Variants in DMD observed in about 807,000 individuals in gnomAD.
DMD encodes the protein dystrophin, also known as mutant dystrophin.
DMD carries 63 observed loss-of-function variants against 330.1 expected under a neutral mutation model. The ratio of observed to expected loss-of-function variants is 0.19; its 90% CI spans 0.16 to 0.24. The LOEUF is 0.24. Among genes scored for constraint, DMD ranks in the 10% least tolerant of loss-of-function variants. The pLI, the probability that DMD is intolerant of heterozygous loss-of-function variation, is 1.00. For synonymous variants in DMD, 1,223 were observed against 959.8 expected, an observed-to-expected ratio of 1.27 and a Z score of -5.07; for missense variants, 3,344 against 2,684.1, an observed-to-expected ratio of 1.25 and a Z score of -5.43.
At chrX:32,518,915 G>T (rs1396902217) in intron 17 of DMD, among the ~76,000 whole-genome samples, 1 of 108,355 alleles carries the variant, frequency 9.2e-6, no homozygotes, top group Admixed American at 9.9e-5. Context: ...TAATAAATAG[G>T]TGCTGTTTTA....
At chrX:31,974,251 G>A (rs993437872) in intron 44 of DMD, among the ~76,000 whole-genome samples, 2 of 110,193 alleles carry the variant, frequency 1.8e-5, no homozygotes, top group Admixed American at 1.9e-4. Context: ...AACAGATACC[G>A]CGGACTAGTA....
chrX:32,720,370 T>C (rs756779619), intron 7 of DMD, among the ~76,000 whole-genome samples: 4 of 111,990 alleles, frequency 3.6e-5, no homozygotes, highest in Non-Finnish European at 7.5e-5. Context: ...TTGCTCTTCT[T>C]AGATAATTTC....
intron 1 of DMD, among the ~76,000 whole-genome samples, chrX:33,097,606 T>A (rs1467117840): frequency 1.7e-5 from 1 of 57,389 alleles, no homozygotes; most frequent in Non-Finnish European, 3.4e-5. Flanking sequence ...TACATGAGAC[T>A]CTTTTTTTTT....
chrX:31,411,153 G>T, intron 60 of DMD, among the ~76,000 whole-genome samples: 1 of 110,674 alleles, frequency 9.0e-6, no homozygotes, highest in Non-Finnish European at 1.9e-5. Flanking sequence ...CATGCTCTGT[G>T]AACTTATGTG....
chrX:31,341,666 G>A (rs963984420), intron 61 of DMD, among the ~76,000 whole-genome samples: 1 of 111,265 alleles, frequency 9.0e-6, no homozygotes, highest in Admixed American at 9.6e-5. Flanking sequence ...GGGTAAGGCA[G>A]TGTGATGTGT....
At chrX:31,131,976 T>C (rs912959041) in intron 77 of DMD, among the ~76,000 whole-genome samples, 1 of 111,861 alleles carries the variant, frequency 8.9e-6, no homozygotes, top group African/African-American at 3.2e-5. Flanking sequence ...AGCTACTCTC[T>C]TGTGTTTTTT....
At chrX:31,224,465 A>T (rs768536624) in intron 63 of DMD, among the ~76,000 whole-genome samples, 1 of 112,198 alleles carries the variant, frequency 8.9e-6, no homozygotes, top group South Asian at 3.8e-4. Context: ...TAAACTATTC[A>T]GCATACAATT....
chrX:32,448,621 G>T lies in DMD; in HGVS notation c.3621C>A (p.Ala1207=). The T allele has an allele frequency of 8.3e-7, 1 of 1,205,273 alleles. No individual in the cohort carries two copies. The highest frequency in any genetic ancestry group is 1.1e-6 in the Non-Finnish European group (1 of 891,972). ...GTTTCACTTTCGCTTCTTTTTGTTG[G>T]GCCTCTTCTTTAGCTCTCTGAAAAA... ...VEEMKRAKEE[A]QQKEAKVKLL... The change falls in exon 27 of 79, where the codon GCC becomes GCA. Residue 1207 remains alanine (A), a synonymous_variant. Coordinates refer to ENST00000357033, the MANE Select transcript of DMD (RefSeq NM_004006.3).
chrX:33,024,868 T>C (rs2093969353), intron 1 of DMD, among the ~76,000 whole-genome samples: 2 of 111,738 alleles, frequency 1.8e-5, no homozygotes, highest in South Asian at 7.4e-4. Context: ...GAAATGAGAA[T>C]ATTAATTGCT....
intron 50 of DMD, among the ~76,000 whole-genome samples, chrX:31,777,342 C>G (rs955532854): frequency 9.0e-6 from 1 of 111,488 alleles, no homozygotes; most frequent in South Asian, 3.8e-4. Context: ...TATTTGCCCC[C>G]AACCCCACAC....
At chrX:31,989,117 G>A (rs1007540818) in intron 44 of DMD, among the ~76,000 whole-genome samples, 2 of 111,953 alleles carry the variant, frequency 1.8e-5, no homozygotes, top group Admixed American at 9.5e-5. Context: ...TCAATCGATT[G>A]GACTTAGGTC....
intron 29 of DMD, among the ~76,000 whole-genome samples, chrX:32,423,126 T>C (rs1417044864): frequency 2.7e-5 from 3 of 110,800 alleles, no homozygotes; most frequent in Non-Finnish European, 5.7e-5. Context: ...ACTTTATCAA[T>C]CCATACTACT....
chrX:31,857,437 A>G (rs1196873805), intron 48 of DMD, among the ~76,000 whole-genome samples: 4 of 106,254 alleles, frequency 3.8e-5, no homozygotes, highest in Non-Finnish European at 7.7e-5. Context: ...TTTAATGACC[A>G]GCATGTTACA....
intron 44 of DMD, among the ~76,000 whole-genome samples, chrX:32,064,115 T>C (rs1251161519): frequency 9.0e-6 from 1 of 111,501 alleles, no homozygotes; most frequent in African/African-American, 3.2e-5. Flanking sequence ...GAGATAAACA[T>C]GTTTATATTA....
intron 25 of DMD, among the ~76,000 whole-genome samples, chrX:32,457,416 C>T (rs2098364779): frequency 9.0e-6 from 1 of 110,613 alleles, no homozygotes; most frequent in Admixed American, 9.7e-5. Context: ...TTTTAAATGA[C>T]AGGAGATATT....
chrX:32,828,178 A>G (rs1353943280), intron 4 of DMD, among the ~76,000 whole-genome samples: 1 of 111,717 alleles, frequency 9.0e-6, no homozygotes, highest in Non-Finnish European at 1.9e-5. Flanking sequence ...TAGTGCTGCA[A>G]TAAACATATA....
At chrX:31,648,856 C>G (rs1263453067) in intron 54 of DMD, among the ~76,000 whole-genome samples, 1 of 108,155 alleles carries the variant, frequency 9.2e-6, no homozygotes, top group Non-Finnish European at 1.9e-5. Context: ...CAAAGGATCC[C>G]AAAACTATAA....
intron 9 of DMD, among the ~76,000 whole-genome samples, chrX:32,690,877 C>T (rs1170133689): frequency 1.8e-5 from 2 of 111,408 alleles, no homozygotes; most frequent in Admixed American, 9.6e-5. Flanking sequence ...AAACCTCAAT[C>T]CATAAAACTC....
chrX:32,147,342 G>A (rs2096782664), intron 44 of DMD, among the ~76,000 whole-genome samples: 2 of 111,826 alleles, frequency 1.8e-5, no homozygotes, highest in African/African-American at 6.5e-5. Context: ...TCCCAATATT[G>A]CTGTGTTTCA....
Sources: allele counts gnomAD v4.1 joint callset (sites outside exome capture counted in the v4.1 genomes callset), GRCh38; gene constraint gnomAD v4.1.1; transcripts MANE v1.5; gene names NCBI Gene and HGNC (gene_info 2026-07-23, HGNC 2026-07-21).